LDLRAD2: variants seen among roughly 807,000 people sequenced by gnomAD.
LDLRAD2 encodes the protein low density lipoprotein receptor class A domain containing 2.
LDLRAD2 carries 25 observed loss-of-function variants against 24.9 expected under a neutral mutation model. The observed-to-expected ratio is 1.00, with a 90% CI of 0.73 to 1.40. The LOEUF (loss-of-function observed/expected upper bound fraction) is 1.40. LDLRAD2 is among the 40% of genes most tolerant of loss of function. The pLI is 0.00. For synonymous variants in LDLRAD2, 182 were observed against 166.7 expected, an observed-to-expected ratio of 1.09 and a Z score of -0.71; for missense variants, 391 against 366.2, an observed-to-expected ratio of 1.07 and a Z score of -0.55.
Position 21,823,419 on chromosome 1 carries a change from T to C in LDLRAD2, c.*1204T>C. ...GGGTCGGGCCGAGTGCAGCACCAGGTTCTTGACACAGCCTGTGATGCCTGA... is the reference window on the plus strand; with the variant it reads ...GGGTCGGGCCGAGTGCAGCACCAGGCTCTTGACACAGCCTGTGATGCCTGA... On this transcript the variant is annotated 3_prime_UTR_variant, in exon 5 of 5. Coordinates refer to ENST00000344642, the MANE Select transcript of LDLRAD2 (RefSeq NM_001013693.3). 1 of 1,585,518 alleles carries C rather than the reference T, an allele frequency of 6.3e-7. No individual in the cohort carries two copies. Among genetic ancestry groups the C allele is most frequent in the Non-Finnish European group, 8.5e-7 (1 of 1,170,682 alleles).
At chr1:21,815,806 T>A in intron 2 of LDLRAD2, 137 bp from the exon 3 acceptor site, 1 of 991,380 alleles carries the variant, frequency 1.0e-6, no homozygotes, top group Non-Finnish European at 1.5e-6. Context: ...GAAACACTCA[T>A]CCATGTTCTC....
rs1368469730 is a variant in LDLRAD2 at position 21,814,459 on chromosome 1, C to T, written c.147C>T (p.His49=). ...GGGACGGGCTGCTGCTGCGCTCGCACGCCGCATCGCGCAGGTTCTACTTCG... is the reference window on the plus strand; with the variant it reads ...GGGACGGGCTGCTGCTGCGCTCGCATGCCGCATCGCGCAGGTTCTACTTCG... The part of the protein sequence containing the change: ...WQGDGLLLRS[H]AASRRFYFVA... Residue 49 remains histidine (H), a synonymous_variant, in exon 2 of 5, where the codon CAC becomes CAT. Transcript: ENST00000344642. 1 of 1,611,004 alleles carries T rather than the reference C, an allele frequency of 6.2e-7. No individual in the cohort carries two copies. Among genetic ancestry groups the T allele is most frequent in the Non-Finnish European group, 8.5e-7 (1 of 1,178,918 alleles).
chr1:21,816,978 A>G (rs1013002079), intron 3 of LDLRAD2, among the ~76,000 whole-genome samples: 6 of 151,910 alleles, frequency 3.9e-5, no homozygotes, highest in African/African-American at 1.5e-4. Flanking sequence ...CGAAATCTCA[A>G]ACTTAACTTG....
rs78845480 is a variant in LDLRAD2, at chr1:21,824,285, G to T, written c.*2070G>T. The T allele has an allele frequency of 6.2e-7, 1 of 1,613,716 alleles. No individual in the cohort carries two copies. The highest frequency in any genetic ancestry group is 8.5e-7 in the Non-Finnish European group (1 of 1,179,812). ...GCTGGGACCAGGGAAGGGAGAGGAA[G>T]GGCCAGGTGCCAGGACCTACCTGAA... On this transcript the variant is annotated 3_prime_UTR_variant, in exon 5 of 5. Coordinates refer to ENST00000344642, the MANE Select transcript of LDLRAD2 (RefSeq NM_001013693.3). This position sits in a 1 kb window ranked among gnomAD's most constrained non-coding sequence, Gnocchi z 5.9.
chr1:21,814,381 C>G lies in LDLRAD2; in HGVS notation c.86-17C>G. ...GGTCGCGCCGCGCGGCTCCAGTTTC[C>G]GTGCCTTCCGCTGCAGCCGACCTGG... On this transcript the variant is annotated splice_polypyrimidine_tract_variant and intron_variant, in intron 1 of 4. Coordinates refer to ENST00000344642, the MANE Select transcript of LDLRAD2 (RefSeq NM_001013693.3). The G allele has an allele frequency of 6.4e-7, 1 of 1,569,354 alleles. No homozygotes were observed. The highest frequency in any genetic ancestry group is 1.8e-5 in the Admixed American group (1 of 55,846).
rs2097958144 is a variant in LDLRAD2 at position 21,823,563 on chromosome 1, C to T, written c.*1348C>T. On this transcript the variant is annotated 3_prime_UTR_variant, in exon 5 of 5. Coordinates refer to ENST00000344642, the MANE Select transcript of LDLRAD2 (RefSeq NM_001013693.3). ...GCGAGGAAGGCTGGGCGAGCTCTAG[C>T]CCTAAGGGAGTGCCGTTCCTGCCCC... 2 of 1,610,386 alleles carry T rather than the reference C, an allele frequency of 1.2e-6. No individual in the cohort carries two copies. The highest frequency in any genetic ancestry group is 1.7e-6 in the Non-Finnish European group (2 of 1,177,536).
rs1177897844 is a variant in LDLRAD2, at chr1:21,823,280, G to T, written c.*1065G>T. 3.4e-6 allele frequency: 5 copies of T among 1,465,738 alleles called. No individual in the cohort carries two copies. The East Asian group carries it at 1.0e-4, about 29-fold the overall frequency. The allele number at this position is 1,465,738 out of a possible 1,614,324, so 90.8% of individuals were successfully genotyped here. A position where few individuals can be genotyped will look rare whatever the true frequency, so the allele number is the denominator to read the frequency against. On this transcript the variant is annotated 3_prime_UTR_variant, in exon 5 of 5. Coordinates refer to ENST00000344642, the MANE Select transcript of LDLRAD2 (RefSeq NM_001013693.3). Reference sequence around the variant, plus strand: ...ATATACTCGACATTGTCGGGCTGGGGCGTGGCCCGGGAGTCCGTGTGGGGC... The same window carrying T: ...ATATACTCGACATTGTCGGGCTGGGTCGTGGCCCGGGAGTCCGTGTGGGGC...
intron 4 of LDLRAD2, chr1:21,821,916 G>A (rs1170454105): frequency 1.1e-5 from 15 of 1,416,178 alleles, no homozygotes; most frequent in Non-Finnish European, 1.2e-5. Flanking sequence ...TCCCCAGGGG[G>A]CTGCAGTTGA....
In LDLRAD2 at chr1:21,814,660, C is replaced by G; in HGVS notation, c.348C>G (p.Tyr116Ter). The change falls in exon 2 of 5, where the codon TAC becomes TAG. Residue 116 changes from tyrosine (Y) to a stop codon, truncating the protein, a stop_gained. Coordinates refer to ENST00000344642, the MANE Select transcript of LDLRAD2 (RefSeq NM_001013693.3). LOFTEE classifies it high-confidence loss of function. ...CCCCCGGCTCCTACCTGCAGTTCTA[C>G]GAGGGCCCGCCGGGGGCGCCCCGGC... ...PCAPGSYLQF[Y>*]EGPPGAPRPL... The G allele has an allele frequency of 6.3e-7, 1 of 1,594,540 alleles. No individual in the cohort carries two copies. The highest frequency in any genetic ancestry group is 8.5e-7 in the Non-Finnish European group (1 of 1,171,506).
intron 3 of LDLRAD2, among the ~76,000 whole-genome samples, chr1:21,818,908 T>G: frequency 5.1e-5 from 2 of 39,188 alleles, no homozygotes; most frequent in East Asian, 1.0e-3. Flanking sequence ...GCCTCCTCCC[T>G]GCCCCACCCC....
chr1:21,812,707 G>A (rs2097939808), intron 1 of LDLRAD2, among the ~76,000 whole-genome samples, 171 bp downstream of exon 1: 1 of 152,210 alleles, frequency 6.6e-6, no homozygotes, highest in Non-Finnish European at 1.5e-5. Context: ...CCAACCCAAA[G>A]CCTTCTGGAA....
chr1:21,817,392 GAGTGC>G (rs1486172279), intron 3 of LDLRAD2, among the ~76,000 whole-genome samples: 1 of 151,986 alleles, frequency 6.6e-6, no homozygotes, highest in Admixed American at 6.6e-5. Context: ...ATCCAGGCTG[GAGTGC>G]AGTGGCGCCA....
At position 21,823,655 on chromosome 1, in the gene LDLRAD2, G is replaced by A; in HGVS notation, c.*1440G>A. 6.2e-7 allele frequency: 1 copy of A among 1,613,762 alleles called. No individual in the cohort carries two copies. The highest frequency in any genetic ancestry group is 1.6e-4 in the Middle Eastern group (1 of 6,062). ...CCCTTGGCGTTGACTGCCACGTTGG[G>A]ACCTGGGGACCGGCCGCTGACCAGC... On this transcript the variant is annotated 3_prime_UTR_variant, in exon 5 of 5. Transcript: ENST00000344642.
At chr1:21,818,516 T>C (rs76898235) in intron 3 of LDLRAD2, among the ~76,000 whole-genome samples, 22 of 152,340 alleles carry the variant, frequency 1.4e-4, no homozygotes, top group Non-Finnish European at 3.1e-4. Context: ...AATGCCATCT[T>C]CATCACATCA....
intron 3 of LDLRAD2, among the ~76,000 whole-genome samples, chr1:21,818,555 G>T (rs539791121): frequency 2.2e-4 from 33 of 152,120 alleles, no homozygotes; most frequent in Non-Finnish European, 4.7e-4. Context: ...TTTGGTGTTG[G>T]GTGTTTGGTG....
At chr1:21,813,942 G>A (rs2097941054) in intron 1 of LDLRAD2, among the ~76,000 whole-genome samples, 2 of 151,120 alleles carry the variant, frequency 1.3e-5, no homozygotes, top group Admixed American at 1.3e-4. Context: ...CTTGATCTCA[G>A]CTCACTGCAA....
rs918465770 is a variant in LDLRAD2, at chr1:21,814,590, C to G, written c.278C>G (p.Pro93Arg). The change falls in exon 2 of 5, where the codon CCC becomes CGC. Residue 93 changes from proline to arginine, a missense_variant. Pro to Arg is a moderately radical substitution (Grantham distance 103). Coordinates refer to ENST00000344642, the MANE Select transcript of LDLRAD2 (RefSeq NM_001013693.3). ...FFLVYSLTPA[P>R]PALNTSSPAP... ...CTGGTCTACAGCCTGACCCCCGCGC[C>G]CCCGGCGCTCAACACCTCCTCCCCG... 1 of 1,611,722 alleles carries G rather than the reference C, an allele frequency of 6.2e-7. No homozygotes were observed. The highest frequency in any genetic ancestry group is 1.3e-5 in the African/African-American group (1 of 74,862).
Position 21,825,152 on chromosome 1 carries a change from A to C in LDLRAD2, c.*2937A>C, listed in dbSNP as rs2097966808. The C allele has an allele frequency of 3.0e-6, 1 of 330,832 alleles. No individual in the cohort carries two copies. Among genetic ancestry groups the C allele is most frequent in the South Asian group, 2.9e-5 (1 of 34,730 alleles). 20.5% of individuals were successfully genotyped at this position (330,832 alleles called of 1,614,324 possible). A position where few individuals can be genotyped will look rare whatever the true frequency, so the allele number is the denominator to read the frequency against. ...TTGCTGCTTTGAAATTGTGGTAGCT[A>C]CTGAGATCACCAGATCTTGTTATTT... On this transcript the variant is annotated 3_prime_UTR_variant, in exon 5 of 5. Transcript: ENST00000344642.
Position 21,822,170 on chromosome 1 carries a change from A to T in LDLRAD2, c.806-32A>T, listed in dbSNP as rs1417424683. 3 of 1,614,010 alleles carry T rather than the reference A, an allele frequency of 1.9e-6. No homozygotes were observed. The Admixed American group carries it at 5.0e-5, about 27-fold the overall frequency. On this transcript the variant is annotated intron_variant, in intron 4 of 4. Coordinates refer to ENST00000344642, the MANE Select transcript of LDLRAD2 (RefSeq NM_001013693.3). ...CCAAGCCAGCTTGCTTCACCCCCAG[A>T]TCTCACCTGCCCTGCTCTGCCCCAT...
Sources: gnomAD v4.1 joint callset for allele counts (sites outside exome capture counted in the v4.1 genomes callset) on GRCh38, gnomAD v4.1.1 for gene constraint, Gnocchi (gnomAD v3.1) non-coding constraint, MANE v1.5 for transcripts, NCBI Gene and HGNC (gene_info 2026-07-23, HGNC 2026-07-21) for gene names.